Variants in SLC30A8 observed in about 807,000 individuals in gnomAD.
The protein encoded by SLC30A8 is solute carrier family 30 member 8, also known as proton-coupled zinc antiporter SLC30A8.
In SLC30A8, 27 loss-of-function variants were observed where a neutral mutation model predicts 36.9. The ratio of observed to expected loss-of-function variants is 0.73; its 90% CI spans 0.54 to 1.01. The LOEUF is 1.01. SLC30A8 is among the 50% of genes least tolerant of loss of function. The pLI is 0.00. For synonymous variants in SLC30A8, 164 were observed against 172.4 expected (o/e 0.95, Z 0.38); for missense variants, 439 against 452.0 (o/e 0.97, Z 0.26).
At chr8:117,132,408 T>C (rs1821171653), upstream of SLC30A8, among the ~76,000 whole-genome samples, 1 of 152,030 alleles carries the variant, frequency 6.6e-6, no homozygotes, top group South Asian at 2.1e-4. Flanking sequence ...GCTGACAGAA[T>C]ACTTATTTCC....
intron 2 of SLC30A8, among the ~76,000 whole-genome samples, chr8:117,095,473 ATATTTATATTGCCAAAATG>A: frequency 6.6e-6 from 1 of 152,164 alleles, no homozygotes; most frequent in Middle Eastern, 3.4e-3. Context: ...GCATAAAAAT[ATATTTATATTGCCAAAATG>A]TTCTTTTTTT....
At chr8:117,050,452 C>T (rs1462544521) in intron 2 of SLC30A8, among the ~76,000 whole-genome samples, 1 of 151,252 alleles carries the variant, frequency 6.6e-6, no homozygotes, top group Non-Finnish European at 1.5e-5. Context: ...GTTGCCCAGG[C>T]TGGAATGCAG....
At chr8:117,069,299 G>A (rs1010597198) in intron 2 of SLC30A8, among the ~76,000 whole-genome samples, 2 of 152,186 alleles carry the variant, frequency 1.3e-5, no homozygotes, top group Non-Finnish European at 2.9e-5. Context: ...ATATCGTGGT[G>A]TTCCAAAATT....
At chr8:116,962,316 G>A (rs938251848) in intron 1 of SLC30A8, among the ~76,000 whole-genome samples, 2 of 151,992 alleles carry the variant, frequency 1.3e-5, no homozygotes, top group Admixed American at 6.6e-5. Context: ...CCAGTTTTCT[G>A]TGTAGGCCGA....
intron 1 of SLC30A8, among the ~76,000 whole-genome samples, chr8:116,974,236 A>G (rs756904753): frequency 1.3e-5 from 2 of 152,222 alleles, no homozygotes; most frequent in African/African-American, 2.4e-5. Flanking sequence ...AGAAACCACC[A>G]TCAGAGTGAA....
rs1323537464 is a variant in SLC30A8 at position 117,162,064 on chromosome 8, CTG to C, written c.723+179_723+180del. Reference sequence around the variant, plus strand: ...GGTGTTAAGATGAACAGCAACAAAACTGTGAATACCTTCAGGTTCTTGGATTA... The same window carrying C: ...GGTGTTAAGATGAACAGCAACAAAACTGAATACCTTCAGGTTCTTGGATTA... On this transcript the variant is annotated intron_variant, in intron 5 of 7. Coordinates refer to ENST00000456015, the MANE Select transcript of SLC30A8 (RefSeq NM_173851.3). Among the ~76,000 whole-genome samples, 35 of 152,132 alleles carry C rather than the reference CTG, an allele frequency of 2.3e-4. 1 individual carries two copies. Among genetic ancestry groups the C allele is most frequent in the South Asian group, 6.2e-4 (3 of 4,832 alleles).
At chr8:117,094,844 C>G (rs996703323) in intron 2 of SLC30A8, among the ~76,000 whole-genome samples, 1 of 152,232 alleles carries the variant, frequency 6.6e-6, no homozygotes, top group Non-Finnish European at 1.5e-5. Context: ...TTAGCCCCAC[C>G]TCAGCCTCCT....
intron 5 of SLC30A8, 88 bp from the exon 6 acceptor site, chr8:117,163,336 AC>A: frequency 1.0e-6 from 1 of 982,740 alleles, no homozygotes; most frequent in Non-Finnish European, 1.6e-6. Context: ...AGAAGGAAAG[AC>A]ACAGGGAGGT....
chr8:117,128,692 A>G (rs1375672511), intron 2 of SLC30A8: 2 of 152,044 alleles, frequency 1.3e-5, no homozygotes, highest in Non-Finnish European at 2.9e-5. Context: ...TTGGTAGTAC[A>G]ATTTATTTAT....
intron 2 of SLC30A8, among the ~76,000 whole-genome samples, chr8:117,107,090 T>G (rs1218733751): frequency 6.6e-6 from 1 of 152,178 alleles, no homozygotes; most frequent in Non-Finnish European, 1.5e-5. Context: ...CACAGGACTA[T>G]TGATCTATTT....
At chr8:117,106,394 C>G (rs761625821) in intron 2 of SLC30A8, among the ~76,000 whole-genome samples, 3 of 152,130 alleles carry the variant, frequency 2.0e-5, no homozygotes, top group Non-Finnish European at 4.4e-5. Flanking sequence ...AAAGTAATGG[C>G]AGAAACCACA....
At position 117,171,015 on chromosome 8, in the gene SLC30A8, A is replaced by T. The variant is rs114074793; in HGVS notation, c.830-19A>T. The stretch of plus-strand genomic sequence containing the variant: ...ATCTAGTTGAATAACTACAGCCTCC[A>T]TCTCTTCCCTTTTGTCAGGTGTGCC... On this transcript the variant is annotated intron_variant, in intron 6 of 7. Coordinates refer to ENST00000456015, the MANE Select transcript of SLC30A8 (RefSeq NM_173851.3). 6,358 of 1,568,358 alleles carry T rather than the reference A, an allele frequency of 4.1e-3. 157 individuals are homozygous for T. The East Asian group carries it at 0.062, about 15-fold the overall frequency.
At chr8:117,100,415 C>G (rs1185501182) in intron 2 of SLC30A8, among the ~76,000 whole-genome samples, 2 of 152,146 alleles carry the variant, frequency 1.3e-5, no homozygotes, top group African/African-American at 4.8e-5. Flanking sequence ...GAGAACATAA[C>G]CACTTTTTTC....
intron 1 of SLC30A8, among the ~76,000 whole-genome samples, chr8:117,003,377 A>C (rs902295544): frequency 6.6e-6 from 1 of 152,228 alleles, no homozygotes; most frequent in Non-Finnish European, 1.5e-5. Context: ...TTGAAGTTCT[A>C]TACTAGCTTA....
At chr8:117,121,083 T>C (rs1185473675) in intron 2 of SLC30A8, among the ~76,000 whole-genome samples, 1 of 151,810 alleles carries the variant, frequency 6.6e-6, no homozygotes, top group Non-Finnish European at 1.5e-5. Context: ...AATAATAATA[T>C]GAAGTTTCCT....
intron 6 of SLC30A8, chr8:117,164,268 A>G (rs1440072100): frequency 6.6e-6 from 1 of 152,226 alleles, no homozygotes; most frequent in Non-Finnish European, 1.5e-5. Context: ...AATAAAGTAT[A>G]GTAAAATAAA....
chr8:117,084,214 G>C (rs73701682), intron 2 of SLC30A8, among the ~76,000 whole-genome samples: 5,398 of 152,138 alleles, frequency 0.035, 276 homozygotes, highest in African/African-American at 0.11. Context: ...GCGGAGAAGA[G>C]GAGAAGAATA....
chr8:117,084,937 G>A (rs186917075), intron 2 of SLC30A8, among the ~76,000 whole-genome samples: 138 of 152,190 alleles, frequency 9.1e-4, no homozygotes, highest in Non-Finnish European at 1.3e-3. Flanking sequence ...ATAAAGGTTT[G>A]TATTTGTGTC....
At chr8:117,143,469 C>T (rs1016896384) in intron 1 of SLC30A8, among the ~76,000 whole-genome samples, 1 of 152,088 alleles carries the variant, frequency 6.6e-6, no homozygotes, top group Admixed American at 6.6e-5. Flanking sequence ...CTTTTTATAA[C>T]TTTCTTCTTA....
Sources: gnomAD v4.1 joint callset for allele counts (sites outside exome capture counted in the v4.1 genomes callset) on GRCh38, gnomAD v4.1.1 for gene constraint, MANE v1.5 for transcripts, NCBI Gene and HGNC (gene_info 2026-07-23, HGNC 2026-07-21) for gene names.